YJU2B: variants seen among roughly 807,000 people sequenced by gnomAD.
YJU2B encodes YJU2 splicing factor homolog B.
In YJU2B, 18 loss-of-function variants were observed where a neutral mutation model predicts 38.0. The ratio of observed to expected loss-of-function variants is 0.47; its 90% CI spans 0.33 to 0.70. The LOEUF is 0.70. Ranked by LOEUF, YJU2B falls within the 30% of genes least tolerant of loss-of-function variation. The pLI is 0.02. For missense variants in YJU2B, 538 were observed against 556.3 expected, an observed-to-expected ratio of 0.97 and a Z score of 0.33; for synonymous variants, 246 against 225.4, an observed-to-expected ratio of 1.09 and a Z score of -0.82.
At chr19:13,752,622 T>C (rs1352587144) in intron 2 of YJU2B, among the ~76,000 whole-genome samples, 2 of 152,070 alleles carry the variant, frequency 1.3e-5, no homozygotes, top group Non-Finnish European at 2.9e-5. Flanking sequence ...CGGGAGCCTG[T>C]AGTCCCAGCC....
intron 8 of YJU2B, chr19:13,759,519 T>C (rs993132252): frequency 7.3e-6 from 3 of 412,248 alleles, no homozygotes; most frequent in South Asian, 4.5e-5. Context: ...ATCCAGCACA[T>C]TGGGAGGATC....
Position 13,759,188 on chromosome 19 carries a change from G to T in YJU2B, c.489G>T (p.Leu163=). The T allele has an allele frequency of 1.2e-6, 2 of 1,613,490 alleles. No homozygotes were observed. Among genetic ancestry groups the T allele is most frequent in the Non-Finnish European group, 1.7e-6 (2 of 1,179,786 alleles). ...ACCGCAGCACACTCAAGAAGGCGCT[G>T]CCCACACTGAGCCACATCCAGGAGG... ...EADRSTLKKA[L]PTLSHIQEAQ... is the part of the protein sequence containing the mutation. The change falls in exon 8 of 10, where the codon CTG becomes CTT. Residue 163 remains leucine (L), a synonymous_variant. Coordinates refer to ENST00000221554, the MANE Select transcript of YJU2B (RefSeq NM_030818.4).
At chr19:13,751,911 T>G in intron 2 of YJU2B, 100 bp downstream of exon 2, 9 of 1,090,034 alleles carry the variant, frequency 8.3e-6, no homozygotes, top group East Asian at 2.4e-5. Flanking sequence ...GATGATGATT[T>G]CAATCTCCGG....
At chr19:13,741,151 C>CTTTTTTT (rs71170552) in intron 2 of YJU2B, among the ~76,000 whole-genome samples, 1 of 100,844 alleles carries the variant, frequency 9.9e-6, no homozygotes, top group Non-Finnish European at 2.0e-5. Flanking sequence ...TTATAGATTT[C>CTTTTTTT]TTTTTTTTTT....
chr19:13,738,797 G>A (rs949762772), intron 2 of YJU2B, among the ~76,000 whole-genome samples: 17 of 151,910 alleles, frequency 1.1e-4, no homozygotes, highest in African/African-American at 3.9e-4. Flanking sequence ...GGCTGAGGCA[G>A]GAGAATGGTG....
At chr19:13,745,692 T>TAGAC (rs57681294), upstream of YJU2B, among the ~76,000 whole-genome samples, 877 of 93,288 alleles carry the variant, frequency 9.4e-3, 5 homozygotes, top group Middle Eastern at 0.016. Context: ...GATAGATAGA[T>TAGAC]ATAGATATAT....
chr19:13,762,837 G>A lies in YJU2B; in HGVS notation c.960G>A (p.Arg320=). Residue 320 remains arginine, a synonymous_variant, in exon 10 of 10, where the codon CGG becomes CGA. Transcript: ENST00000221554. ...AADTPKSGEP[R]VPEEAAQDRP... ...ACACCCCCAAGTCTGGGGAACCGCG[G>A]GTACCAGAGGAGGCTGCCCAGGACC... is the stretch of plus-strand genomic sequence containing the variant. The A allele has an allele frequency of 6.2e-7, 1 of 1,606,058 alleles. No homozygotes were observed. The highest frequency in any genetic ancestry group is 8.5e-7 in the Non-Finnish European group (1 of 1,177,074).
chr19:13,733,692 A>G (rs904552373), intron 2 of YJU2B, among the ~76,000 whole-genome samples: 3 of 152,062 alleles, frequency 2.0e-5, no homozygotes, highest in African/African-American at 7.2e-5. Context: ...TTGCACTCCA[A>G]CCTGGGCAAC....
Position 13,751,648 on chromosome 19 carries a change from C to T in YJU2B, c.-161C>T. The stretch of plus-strand genomic sequence containing the variant: ...GATGCCTCCTATGCCTGGCGGGAGT[C>T]TTGTCTGAGCTGGCACCACCACACG... On this transcript the variant is annotated 5_prime_UTR_variant, in exon 2 of 10. Transcript: ENST00000221554. 2 of 692,998 alleles carry T rather than the reference C, an allele frequency of 2.9e-6. No individual in the cohort carries two copies. Among genetic ancestry groups the T allele is most frequent in the Non-Finnish European group, 5.1e-6 (2 of 393,494 alleles). The allele number at this position is 692,998 out of a possible 1,614,324, so 42.9% of individuals were successfully genotyped here. A position where few individuals can be genotyped will look rare whatever the true frequency, so the allele number is the denominator to read the frequency against.
At chr19:13,753,505 C>T (rs1214253582) in intron 2 of YJU2B, among the ~76,000 whole-genome samples, 3 of 134,208 alleles carry the variant, frequency 2.2e-5, no homozygotes, top group Non-Finnish European at 3.1e-5. Flanking sequence ...ATCCGGGAGG[C>T]GGAGGTTGCA....
At chr19:13,757,582 A>T (rs1375713037) in intron 5 of YJU2B, 109 bp downstream of exon 5, 4 of 1,169,434 alleles carry the variant, frequency 3.4e-6, no homozygotes, top group Non-Finnish European at 5.1e-6. Context: ...GAGGGAGGAG[A>T]CGGGCACCCG....
intron 8 of YJU2B, chr19:13,759,586 CCCT>C (rs1307334647): frequency 5.2e-5 from 12 of 228,612 alleles, no homozygotes; most frequent in African/African-American, 2.0e-4. Flanking sequence ...ACCACCCCCC[CCCT>C]CCCCCAGCAT....
chr19:13,762,949 G>C lies in YJU2B; in HGVS notation c.1072G>C (p.Asp358His). Residue 358 changes from aspartate to histidine, a missense_variant, in exon 10 of 10, where the codon GAC becomes CAC. Physicochemically the swap from Asp to His is moderately conservative, Grantham distance 81 (BLOSUM62 -1). Around this residue, in one of 2 missense-constraint regions of YJU2B, gnomAD observed 488 missense variants for 469.5 expected, o/e 1.04. Coordinates refer to ENST00000221554, the MANE Select transcript of YJU2B (RefSeq NM_030818.4). ...GAGGGGGCAGGAAGGGAGCCGTCAG[G>C]ACAAGCCCCTGTCGCCAGCAGGCTC... ...SPRGQEGSRQ[D>H]KPLSPAGSSQ... 6.2e-7 allele frequency: 1 copy of C among 1,611,852 alleles called. No homozygotes were observed. The highest frequency in any genetic ancestry group is 1.1e-5 in the South Asian group (1 of 91,000).
intron 8 of YJU2B, 109 bp from the exon 9 acceptor site, chr19:13,762,190 C>T: frequency 7.6e-7 from 1 of 1,321,078 alleles, no homozygotes; most frequent in Non-Finnish European, 1.0e-6. Flanking sequence ...ATGAAACTGT[C>T]TCAAAAAGAG....
At chr19:13,752,985 A>G (rs1461602925) in intron 2 of YJU2B, among the ~76,000 whole-genome samples, 4 of 152,160 alleles carry the variant, frequency 2.6e-5, no homozygotes, top group Non-Finnish European at 4.4e-5. Flanking sequence ...CCTGTGTTCA[A>G]CGGTACTACA....
chr19:13,741,203 G>A (rs1973086140), intron 2 of YJU2B, among the ~76,000 whole-genome samples: 1 of 137,748 alleles, frequency 7.3e-6, no homozygotes, highest in African/African-American at 2.8e-5. Context: ...TGCCCAAGCT[G>A]CAGTGCAATG....
In YJU2B at chr19:13,757,701, CAGTG is replaced by C. The variant is rs562172367; in HGVS notation, c.197-82_197-79del. On this transcript the variant is annotated intron_variant, in intron 5 of 9. Transcript: ENST00000221554. The stretch of plus-strand genomic sequence containing the variant: ...TAGTTGGGGAACCCTCAGCAAGTGA[CAGTG>C]AGCCTCTTTGTACCTCATTTTACCC... 630 of 1,375,006 alleles carry C rather than the reference CAGTG, an allele frequency of 4.6e-4. 8 individuals are homozygous for C. The South Asian group carries it at 6.7e-3, about 15-fold the overall frequency. 85.2% of individuals were successfully genotyped at this position (1,375,006 alleles called of 1,614,324 possible). A position where few individuals can be genotyped will look rare whatever the true frequency, so the allele number is the denominator to read the frequency against.
chr19:13,742,419 C>G (rs1346853858), intron 2 of YJU2B, among the ~76,000 whole-genome samples: 1 of 151,880 alleles, frequency 6.6e-6, no homozygotes, highest in African/African-American at 2.4e-5. Flanking sequence ...TCTCCTGCCT[C>G]AGCCTCCCAA....
chr19:13,762,201 T>A, intron 8 of YJU2B, 98 bp from the exon 9 acceptor site: 2 of 1,394,356 alleles, frequency 1.4e-6, no homozygotes, highest in South Asian at 1.4e-5. Flanking sequence ...TCAAAAAGAG[T>A]AAATGAGACC....
Sources: allele counts gnomAD v4.1 joint callset (sites outside exome capture counted in the v4.1 genomes callset), GRCh38; gene constraint gnomAD v4.1.1; regional missense constraint gnomAD v4.1.1; transcripts MANE v1.5; gene names NCBI Gene and HGNC (gene_info 2026-07-23, HGNC 2026-07-21).